Variants in GABRA3 observed in about 807,000 individuals in gnomAD.
GABRA3 encodes gamma-aminobutyric acid receptor subunit alpha-3.
GABRA3 carries 10 observed loss-of-function variants against 30.1 expected under a neutral mutation model. That is an observed-to-expected ratio of 0.33 (90% confidence interval 0.20 to 0.56). The LOEUF is 0.56. Among genes scored for constraint, GABRA3 ranks in the 20% least tolerant of loss-of-function variants. GABRA3 has a pLI of 0.89. For synonymous variants in GABRA3, 151 were observed against 146.8 expected (o/e 1.03, Z -0.21); for missense variants, 233 against 392.0 (o/e 0.59, Z 3.42).
intron 8 of GABRA3, among the ~76,000 whole-genome samples, chrX:152,196,553 A>G (rs896182865): frequency 9.0e-6 from 1 of 111,412 alleles, no homozygotes; most frequent in African/African-American, 3.3e-5. Context: ...TACATTTCCC[A>G]AAGTGAGCAT....
chrX:152,390,484 T>A (rs185972062), intron 1 of GABRA3, among the ~76,000 whole-genome samples: 23 of 111,782 alleles, frequency 2.1e-4, no homozygotes, highest in African/African-American at 7.5e-4. Flanking sequence ...TGAGGAAAAA[T>A]TAGAAATGGT....
intron 1 of GABRA3, among the ~76,000 whole-genome samples, chrX:152,439,140 T>C (rs1182663783): frequency 1.8e-5 from 2 of 109,926 alleles, no homozygotes; most frequent in African/African-American, 6.6e-5. Flanking sequence ...ATTATTATTA[T>C]TTTTTGAGAT....
At chrX:152,257,083 T>A (rs964718958) in intron 4 of GABRA3, among the ~76,000 whole-genome samples, 10 of 110,781 alleles carry the variant, frequency 9.0e-5, no homozygotes, top group African/African-American at 3.3e-4. Context: ...GGGGCCCAGT[T>A]AAAAAAAATA....
intron 9 of GABRA3, among the ~76,000 whole-genome samples, chrX:152,182,312 T>TATAC (rs1302458573): frequency 0.012 from 1,043 of 89,288 alleles, 16 homozygotes; most frequent in African/African-American, 0.041. Context: ...TATATATATA[T>TATAC]ACACACACAC....
intron 2 of GABRA3, among the ~76,000 whole-genome samples, chrX:152,355,861 T>C (rs753959259): frequency 9.0e-6 from 1 of 111,729 alleles, no homozygotes; most frequent in South Asian, 3.8e-4. Context: ...ACCAGGAGTA[T>C]AGGAAATTCA....
intron 1 of GABRA3, chrX:152,394,621 A>G (rs974237579): frequency 1.1e-5 from 3 of 284,634 alleles, no homozygotes; most frequent in Non-Finnish European, 2.1e-5. Context: ...CAAAATACTC[A>G]TTCCCAGTAC....
intron 4 of GABRA3, among the ~76,000 whole-genome samples, chrX:152,275,469 A>ATATATTTACATATTTATTTTAAATATT (rs1307337415): frequency 9.4e-6 from 1 of 106,677 alleles, no homozygotes; most frequent in Non-Finnish European, 1.9e-5. Flanking sequence ...AATATCAAAT[A>ATATATTTACATATTTATTTTAAATATT]AATAGAGCTG....
chrX:152,289,150 A>T (rs1939349849), intron 3 of GABRA3, among the ~76,000 whole-genome samples: 1 of 108,725 alleles, frequency 9.2e-6, no homozygotes, highest in South Asian at 4.0e-4. Context: ...CACTGTATTT[A>T]TGTTGAGTAT....
rs1261513788 is a variant in GABRA3, at chrX:152,444,734, GTTT to G, written c.-27+6409_-27+6411del. 2.2e-3 allele frequency among the ~76,000 whole-genome samples: 87 copies of G among 40,404 alleles called. 2 individuals carry two copies. Among genetic ancestry groups the G allele is most frequent in the African/African-American group, 6.1e-3 (83 of 13,581 alleles). The allele number at this position is 40,404 out of a possible 115,157, so 35.1% of individuals were successfully genotyped here. On this transcript the variant is annotated intron_variant, in intron 1 of 9. Coordinates refer to ENST00000370314, the MANE Select transcript of GABRA3 (RefSeq NM_000808.4). ...TAAAAACTATATATAATACTTGTGT[GTTT>G]TTTTTTTTTTGTTTTTTTTTGTTTG...
chrX:152,315,977 C>T (rs1475055169), intron 3 of GABRA3, among the ~76,000 whole-genome samples: 2 of 83,731 alleles, frequency 2.4e-5, no homozygotes, highest in Non-Finnish European at 4.7e-5. Flanking sequence ...CCCGACCCCC[C>T]CCCCCCCCAC....
chrX:152,274,491 C>T (rs1939006427), intron 4 of GABRA3, among the ~76,000 whole-genome samples: 1 of 110,408 alleles, frequency 9.1e-6, no homozygotes, highest in South Asian at 3.8e-4. Flanking sequence ...CAATATGAGG[C>T]ATTAAATTAA....
At chrX:152,380,150 A>G (rs1929104766) in intron 1 of GABRA3, among the ~76,000 whole-genome samples, 1 of 111,840 alleles carries the variant, frequency 8.9e-6, no homozygotes, top group Non-Finnish European at 1.9e-5. Flanking sequence ...GAAATATACA[A>G]TACATTATTA....
chrX:152,354,020 A>G lies in GABRA3; in HGVS notation c.141-8318T>C, dbSNP rs1940514849. Reference sequence around the variant, plus strand: ...CCTATAAGAAAAATGCACTTGCCACATCTGAACATGGTCTACCCAGCTATG... The same window carrying G: ...CCTATAAGAAAAATGCACTTGCCACGTCTGAACATGGTCTACCCAGCTATG... On this transcript the variant is annotated intron_variant, in intron 2 of 9. Transcript: ENST00000370314. Among the ~76,000 whole-genome samples, 4 of 112,093 alleles carry G rather than the reference A, an allele frequency of 3.6e-5. No individual in the cohort carries two copies. The Admixed American group carries it at 3.8e-4, about 11-fold the overall frequency.
intron 1 of GABRA3, among the ~76,000 whole-genome samples, chrX:152,415,663 C>A (rs1223108182): frequency 9.0e-6 from 1 of 111,192 alleles, no homozygotes; most frequent in Non-Finnish European, 1.9e-5. Flanking sequence ...TTAATGAAGT[C>A]TATGGCATAG....
intron 2 of GABRA3, among the ~76,000 whole-genome samples, chrX:152,357,617 T>C (rs973194381): frequency 8.9e-6 from 1 of 111,888 alleles, no homozygotes; most frequent in African/African-American, 3.2e-5. Context: ...CAGAAGCTCT[T>C]TCATTTTATT....
intron 6 of GABRA3, 55 bp from the exon 7 acceptor site, chrX:152,208,199 C>G: frequency 8.9e-7 from 1 of 1,127,553 alleles, no homozygotes; most frequent in Middle Eastern, 2.4e-4. Context: ...GAATGATTAC[C>G]CTTGATACTA....
At chrX:152,378,948 A>G (rs1156447362) in intron 1 of GABRA3, among the ~76,000 whole-genome samples, 1 of 111,928 alleles carries the variant, frequency 8.9e-6, no homozygotes, top group Admixed American at 9.5e-5. Context: ...AAATTTCTAT[A>G]CACCTAATAA....
At chrX:152,293,000 T>C (rs1361145714) in intron 3 of GABRA3, among the ~76,000 whole-genome samples, 2 of 111,242 alleles carry the variant, frequency 1.8e-5, no homozygotes, top group Non-Finnish European at 3.8e-5. Context: ...ATAAGTGCGA[T>C]GTGGTGCTGA....
At chrX:152,252,028 T>A (rs12689815) in intron 5 of GABRA3, among the ~76,000 whole-genome samples, 22,199 of 110,806 alleles carry the variant, frequency 0.2, 2,411 homozygotes, top group African/African-American at 0.42. Flanking sequence ...CTATATCTTC[T>A]ATCTTTGTCT....
Sources: gnomAD v4.1 joint callset for allele counts (sites outside exome capture counted in the v4.1 genomes callset) on GRCh38, gnomAD v4.1.1 for gene constraint, MANE v1.5 for transcripts, NCBI Gene and HGNC (gene_info 2026-07-23, HGNC 2026-07-21) for gene names.